The following TMEM266 variants were observed in gnomAD, a reference collection of about 807,000 sequenced individuals.
TMEM266 encodes the protein Hv1 related protein 1.
In TMEM266, 33 loss-of-function variants were observed where a neutral mutation model predicts 50.5. The observed-to-expected ratio is 0.65, with a 90% CI of 0.50 to 0.87. The LOEUF is 0.87. Among genes scored for constraint, TMEM266 ranks in the 40% least tolerant of loss-of-function variants. TMEM266 has a pLI of 0.00. For missense variants in TMEM266, 655 were observed against 695.1 expected, an observed-to-expected ratio of 0.94 and a Z score of 0.65; for synonymous variants, 310 against 292.3, an observed-to-expected ratio of 1.06 and a Z score of -0.62.
At chr15:76,128,395 C>T (rs2142024792) in intron 1 of TMEM266, among the ~76,000 whole-genome samples, 1 of 152,204 alleles carries the variant, frequency 6.6e-6, no homozygotes, top group South Asian at 2.1e-4. Flanking sequence ...CTCGCTGGAA[C>T]ACATATATGG....
At chr15:76,159,756 G>A (rs1596142337) in intron 4 of TMEM266, among the ~76,000 whole-genome samples, 1 of 152,060 alleles carries the variant, frequency 6.6e-6, no homozygotes, top group African/African-American at 2.4e-5. Context: ...ATGTCTTCAT[G>A]AGCCCCTTCT....
intron 10 of TMEM266, 136 bp downstream of exon 10, chr15:76,202,400 T>A: frequency 2.6e-6 from 2 of 774,792 alleles, no homozygotes; most frequent in Non-Finnish European, 4.0e-6. Context: ...TGCTCAAGGT[T>A]AAAATATCGG....
chr15:76,180,584 ACT>A (rs1277432676), intron 8 of TMEM266, among the ~76,000 whole-genome samples: 4 of 114,820 alleles, frequency 3.5e-5, no homozygotes, highest in East Asian at 2.6e-4. Context: ...CTGCACAGTT[ACT>A]CTCTGTTTCT....
intron 1 of TMEM266, among the ~76,000 whole-genome samples, chr15:76,126,684 A>G (rs185986456): frequency 7.5e-4 from 113 of 151,658 alleles, no homozygotes; most frequent in Admixed American, 2.5e-3. Flanking sequence ...GGCGCCCACC[A>G]TGCCCGGCTA....
chr15:76,182,442 C>T (rs2038428641), intron 8 of TMEM266, among the ~76,000 whole-genome samples: 1 of 151,876 alleles, frequency 6.6e-6, no homozygotes, highest in Non-Finnish European at 1.5e-5. Flanking sequence ...CGAGACCATC[C>T]TGGCTAACAC....
chr15:76,131,302 G>C (rs1190030860), intron 1 of TMEM266, among the ~76,000 whole-genome samples: 1 of 152,244 alleles, frequency 6.6e-6, no homozygotes, highest in African/African-American at 2.4e-5. Context: ...AGGAGGCGGA[G>C]GTTGCAGTGA....
intron 1 of TMEM266, among the ~76,000 whole-genome samples, chr15:76,123,741 C>T (rs2037378278): frequency 6.6e-6 from 1 of 151,444 alleles, no homozygotes; most frequent in African/African-American, 2.4e-5. Flanking sequence ...GAGTCTTGCT[C>T]TGTCGCCCAG....
intron 1 of TMEM266, among the ~76,000 whole-genome samples, chr15:76,078,471 A>C (rs182451847): frequency 6.6e-6 from 1 of 152,330 alleles, no homozygotes; most frequent in East Asian, 1.9e-4. Flanking sequence ...TGAGTCTGAC[A>C]AAACTTGAAG....
intron 1 of TMEM266, among the ~76,000 whole-genome samples, chr15:76,071,833 C>A (rs527507792): frequency 3.2e-4 from 49 of 152,196 alleles, no homozygotes; most frequent in Non-Finnish European, 6.5e-4. Flanking sequence ...GAGCTGTGCT[C>A]AGTCTTACCC....
At position 76,090,489 on chromosome 15, in the gene TMEM266, C is replaced by T. The variant is rs796567133; in HGVS notation, c.-97+30473C>T. On this transcript the variant is annotated intron_variant, in intron 1 of 10. Coordinates refer to ENST00000388942, the MANE Select transcript of TMEM266 (RefSeq NM_152335.3). ...GCTGGGTGACAGAGAAAGACTCTGT[C>T]TCAAAAAAAAAAAAAAAAAAAGAGA... 1.5e-3 allele frequency among the ~76,000 whole-genome samples: 128 copies of T among 85,712 alleles called. 1 individual carries two copies. Among genetic ancestry groups the T allele is most frequent in the African/African-American group, 6.0e-3 (120 of 19,934 alleles). 56.2% of individuals were successfully genotyped at this position (85,712 alleles called of 152,430 possible).
At chr15:76,107,390 G>T (rs1223388253) in intron 1 of TMEM266, among the ~76,000 whole-genome samples, 1 of 152,194 alleles carries the variant, frequency 6.6e-6, no homozygotes, top group East Asian at 1.9e-4. Flanking sequence ...AGGGCACATG[G>T]TAAATGTCTA....
At chr15:76,146,942 A>G (rs948253179) in intron 3 of TMEM266, among the ~76,000 whole-genome samples, 2 of 152,252 alleles carry the variant, frequency 1.3e-5, no homozygotes, top group Admixed American at 6.5e-5. Flanking sequence ...TCCTCACGGC[A>G]GGGATCAGAT....
In TMEM266 at chr15:76,169,818, T is replaced by G; in HGVS notation, c.459T>G (p.Thr153=). Reference sequence around the variant, plus strand: ...ACTTTCTCACTTCCTTTCCTCAGACTGTTCTACGGATTGTGGTGCTTGGGA... The same window carrying G: ...ACTTTCTCACTTCCTTTCCTCAGACGGTTCTACGGATTGTGGTGCTTGGGA... Residue 153 remains threonine, a splice_region_variant and synonymous_variant, in exon 6 of 11, where the codon ACT becomes ACG. Coordinates refer to ENST00000388942, the MANE Select transcript of TMEM266 (RefSeq NM_152335.3). 6.2e-7 allele frequency: 1 copy of G among 1,613,938 alleles called. No homozygotes were observed. Among genetic ancestry groups the G allele is most frequent in the Non-Finnish European group, 8.5e-7 (1 of 1,179,828 alleles).
intron 3 of TMEM266, among the ~76,000 whole-genome samples, chr15:76,148,185 C>A (rs371293875): frequency 2.0e-5 from 3 of 152,114 alleles, no homozygotes; most frequent in African/African-American, 7.2e-5. Context: ...TGCGTGGCCA[C>A]GTCCGGCAAG....
chr15:76,137,907 G>C lies in TMEM266; in HGVS notation c.227+12G>C, dbSNP rs2037616404. ...TACCAAAGAGAAGGGTAGGTGCTGG[G>C]ACCATTGAGCTAGCTAAGAAGTCCC... On this transcript the variant is annotated intron_variant, in intron 3 of 10. Transcript: ENST00000388942. 1 of 1,549,234 alleles carries C rather than the reference G, an allele frequency of 6.5e-7. No individual in the cohort carries two copies. Among genetic ancestry groups the C allele is most frequent in the Non-Finnish European group, 8.7e-7 (1 of 1,149,718 alleles).
chr15:76,166,487 G>A (rs910001487), intron 5 of TMEM266, among the ~76,000 whole-genome samples: 1 of 152,224 alleles, frequency 6.6e-6, no homozygotes, highest in African/African-American at 2.4e-5. Flanking sequence ...CAGAGGGAAG[G>A]CAGCGGCTGG....
rs535165080 is a variant in TMEM266, at chr15:76,139,445, G to A, written c.227+1550G>A. Among the ~76,000 whole-genome samples the A allele has an allele frequency of 8.2e-4, 125 of 152,232 alleles. No homozygotes were observed. The highest frequency in any genetic ancestry group is 1.6e-3 in the Non-Finnish European group (110 of 68,048). ...TCAGGTCCTTACCATCTTGAAGGCC[G>A]GGCTGAAACCTGAGGCCCCTGGGCC... is the stretch of plus-strand genomic sequence containing the variant. On this transcript the variant is annotated intron_variant, in intron 3 of 10. Transcript: ENST00000388942. This position sits in a 1 kb window ranked among gnomAD's most constrained non-coding sequence, Gnocchi z 4.1.
At chr15:76,106,441 G>C (rs2037081726) in intron 1 of TMEM266, among the ~76,000 whole-genome samples, 1 of 151,812 alleles carries the variant, frequency 6.6e-6, no homozygotes, top group Non-Finnish European at 1.5e-5. Flanking sequence ...TGGTTTTGGG[G>C]GTTTTGGTTT....
At chr15:76,116,036 CTT>C (rs1426829703) in intron 1 of TMEM266, among the ~76,000 whole-genome samples, 1 of 152,162 alleles carries the variant, frequency 6.6e-6, no homozygotes, top group African/African-American at 2.4e-5. Context: ...TCTTTAAAAA[CTT>C]ATACTCTGTT....
Sources: gnomAD v4.1 joint callset for allele counts (sites outside exome capture counted in the v4.1 genomes callset) on GRCh38, gnomAD v4.1.1 for gene constraint, Gnocchi (gnomAD v3.1) non-coding constraint, MANE v1.5 for transcripts, NCBI Gene and HGNC (gene_info 2026-07-23, HGNC 2026-07-21) for gene names.